ZC3H13: variants seen among roughly 807,000 people sequenced by gnomAD.
ZC3H13 encodes the protein zinc finger CCCH-type containing 13.
In ZC3H13, 64 loss-of-function variants were observed where a neutral mutation model predicts 204.1. The observed-to-expected ratio is 0.31, with a 90% CI of 0.26 to 0.39. ZC3H13 has a LOEUF of 0.39. Among genes scored for constraint, ZC3H13 ranks in the 10% least tolerant of loss-of-function variants. The pLI is 1.00. For missense variants in ZC3H13, 1,833 were observed against 2,082.7 expected (o/e 0.88, Z 2.33); for synonymous variants, 667 against 693.7 (o/e 0.96, Z 0.60).
In ZC3H13 at chr13:45,959,545, A is replaced by C. The variant is rs1358991373; in HGVS notation, c.4777T>G (p.Cys1593Gly). 2 of 1,548,914 alleles carry C rather than the reference A, an allele frequency of 1.3e-6. No homozygotes were observed. Among genetic ancestry groups the C allele is most frequent in the Non-Finnish European group, 1.7e-6 (2 of 1,146,338 alleles). Reference sequence around the variant, plus strand: ...TCCCGTCTGAAGCACAACGCCTTACAACATGGGCCAAGATTACTAAGAAGA... The same window carrying C: ...TCCCGTCTGAAGCACAACGCCTTACCACATGGGCCAAGATTACTAAGAAGA... ...ASLLSNLGPC[C>G]KALCFRRDSA... Residue 1593 changes from cysteine (C) to glycine (G), a missense_variant, in exon 18 of 19, where the codon TGT becomes GGT. This residue lies in a region of ZC3H13 where 211 missense variants were observed against 228.4 expected (regional missense o/e 0.92). Coordinates refer to ENST00000679008, the MANE Select transcript of ZC3H13 (RefSeq NM_001330564.2).
intron 1 of ZC3H13, among the ~76,000 whole-genome samples, chr13:46,050,923 T>A (rs1048546835): frequency 6.6e-6 from 1 of 151,932 alleles, no homozygotes; most frequent in African/African-American, 2.4e-5. Context: ...AATAAAAGAC[T>A]CTTTCTATAT....
intron 6 of ZC3H13, 112 bp from the exon 7 acceptor site, chr13:46,010,617 C>G: frequency 8.6e-7 from 1 of 1,167,422 alleles, no homozygotes; most frequent in Non-Finnish European, 1.2e-6. Context: ...ATATTATTGC[C>G]GGGTGCAGTG....
chr13:46,036,089 A>G (rs1442759042), intron 4 of ZC3H13, among the ~76,000 whole-genome samples: 1 of 151,810 alleles, frequency 6.6e-6, no homozygotes, highest in East Asian at 1.9e-4. Context: ...TGGAGGCTAC[A>G]GTGAATCATG....
Position 46,042,224 on chromosome 13 carries a change from G to T in ZC3H13, c.279C>A (p.Arg93=), listed in dbSNP as rs770538133. 1 of 1,613,328 alleles carries T rather than the reference G, an allele frequency of 6.2e-7. No individual in the cohort carries two copies. The highest frequency in any genetic ancestry group is 1.7e-5 in the Admixed American group (1 of 59,992). The change falls in exon 4 of 19, where the codon CGC becomes CGA. Residue 93 remains arginine (R), a synonymous_variant. Transcript: ENST00000679008. ...GDLRERMKNK[R]QDVDTEPQKR... ...TCTGGGGCTCAGTGTCCACGTCTTG[G>T]CGCTTGTTCTTCATTCTTTCTCTAA...
At chr13:46,050,959 T>G (rs767380608) in intron 1 of ZC3H13, among the ~76,000 whole-genome samples, 2 of 152,080 alleles carry the variant, frequency 1.3e-5, no homozygotes, top group African/African-American at 2.4e-5. Flanking sequence ...CTTCAACTAC[T>G]ACTAACAGCT....
At chr13:46,019,647 G>A (rs2042107067) in intron 5 of ZC3H13, among the ~76,000 whole-genome samples, 1 of 152,100 alleles carries the variant, frequency 6.6e-6, no homozygotes, top group East Asian at 1.9e-4. Context: ...AAACATTCAA[G>A]GGGTGGAAAA....
At chr13:45,979,355 T>C (rs2138082164) in intron 11 of ZC3H13, among the ~76,000 whole-genome samples, 1 of 152,180 alleles carries the variant, frequency 6.6e-6, no homozygotes, top group South Asian at 2.1e-4. Context: ...ATAAAATATT[T>C]CTCTAAACAA....
chr13:45,962,363 C>T, intron 17 of ZC3H13: 1 of 985,336 alleles, frequency 1.0e-6, no homozygotes, highest in Non-Finnish European at 1.2e-6. Flanking sequence ...TCATGGGTAG[C>T]AAAATCAAAC....
In ZC3H13 at chr13:45,988,856, G is replaced by A. The variant is rs1427607494; in HGVS notation, c.1186C>T (p.Arg396Ter). The A allele has an allele frequency of 1.2e-6, 2 of 1,614,142 alleles. No individual in the cohort carries two copies. The highest frequency in any genetic ancestry group is 8.5e-7 in the Non-Finnish European group (1 of 1,180,032). ...TCATGATCATGTCTCCCTTTCTCTC[G>A]CATTGGAGAGCGATGTCTTGGAGGA... is the stretch of plus-strand genomic sequence containing the variant. ...QSPPRHRSPM[R>*]EKGRHDHERT... Residue 396 changes from arginine to a stop codon, truncating the protein, a stop_gained, in exon 9 of 19, where the codon CGA (arginine) becomes TGA (stop). Transcript: ENST00000679008. LOFTEE classifies it high-confidence loss of function.
chr13:46,038,769 T>C (rs2043371888), intron 4 of ZC3H13, among the ~76,000 whole-genome samples: 1 of 152,196 alleles, frequency 6.6e-6, no homozygotes, highest in African/African-American at 2.4e-5. Flanking sequence ...ATGCCTGTAA[T>C]CCCAGGACTT....
intron 12 of ZC3H13, among the ~76,000 whole-genome samples, chr13:45,971,519 G>C (rs1056902562): frequency 4.6e-5 from 7 of 152,108 alleles, no homozygotes; most frequent in African/African-American, 1.7e-4. Flanking sequence ...GCTCAAGAAG[G>C]ATCAAAGACT....
chr13:46,045,872 G>T (rs1300508565), intron 1 of ZC3H13, among the ~76,000 whole-genome samples: 1 of 152,072 alleles, frequency 6.6e-6, no homozygotes. Flanking sequence ...TACAAAAATT[G>T]CTTCAAAATT....
At chr13:46,000,990 A>G (rs746833970) in intron 8 of ZC3H13, among the ~76,000 whole-genome samples, 5 of 152,214 alleles carry the variant, frequency 3.3e-5, no homozygotes, top group Admixed American at 6.5e-5. Context: ...CAGTCAGAAC[A>G]CACACATTTG....
At chr13:46,041,213 A>G (rs1346080048) in intron 4 of ZC3H13, among the ~76,000 whole-genome samples, 1 of 152,182 alleles carries the variant, frequency 6.6e-6, no homozygotes, top group African/African-American at 2.4e-5. Context: ...ACAAAATGTG[A>G]TATTATCAAT....
chr13:45,961,157 C>A (rs186939681), intron 17 of ZC3H13, among the ~76,000 whole-genome samples: 1 of 151,996 alleles, frequency 6.6e-6, no homozygotes, highest in Non-Finnish European at 1.5e-5. Context: ...TTCAGATATA[C>A]CAATGTTTGT....
intron 7 of ZC3H13, among the ~76,000 whole-genome samples, chr13:46,008,742 G>A (rs989861929): frequency 3.3e-5 from 5 of 152,176 alleles, no homozygotes; most frequent in African/African-American, 4.8e-5. Flanking sequence ...ATAAGAGCAA[G>A]TGAAGTGGAG....
At chr13:46,011,592 T>A in intron 5 of ZC3H13, 38 bp from the exon 6 acceptor site, 2 of 1,482,832 alleles carry the variant, frequency 1.3e-6, no homozygotes, top group Non-Finnish European at 1.8e-6. Context: ...GAAACTAGCA[T>A]AATTATCTAT....
chr13:46,048,687 C>A (rs1204529655), intron 1 of ZC3H13, among the ~76,000 whole-genome samples: 1 of 151,888 alleles, frequency 6.6e-6, no homozygotes, highest in Non-Finnish European at 1.5e-5. Context: ...CTCCCTCACC[C>A]TACGCCCATA....
rs776489806 is a variant in ZC3H13, at chr13:45,969,374, T to C, written c.3170A>G (p.Gln1057Arg). The C allele has an allele frequency of 6.2e-7, 1 of 1,614,138 alleles. No individual in the cohort carries two copies. The highest frequency in any genetic ancestry group is 1.1e-5 in the South Asian group (1 of 91,078). The change falls in exon 14 of 19, where the codon CAG becomes CGG. Residue 1057 changes from glutamine to arginine, a missense_variant. Physicochemically the swap from Gln to Arg is conservative, Grantham distance 43. This residue lies in a region of ZC3H13 where 1,574 missense variants were observed against 1,757.2 expected (regional missense o/e 0.90). Transcript: ENST00000679008. ...NGKNGILEDS[Q>R]KKEDTAFSDW... Reference sequence around the variant, plus strand: ...ACTGAATGCTGTATCTTCTTTTTTCTGGGAGTCCTCTAGAATACCATTCTT... The same window carrying C: ...ACTGAATGCTGTATCTTCTTTTTTCCGGGAGTCCTCTAGAATACCATTCTT...
Sources: allele counts gnomAD v4.1 joint callset (sites outside exome capture counted in the v4.1 genomes callset), GRCh38; gene constraint gnomAD v4.1.1; regional missense constraint gnomAD v4.1.1; transcripts MANE v1.5; gene names NCBI Gene and HGNC (gene_info 2026-07-23, HGNC 2026-07-21).